SRPX2: variants seen among roughly 807,000 people sequenced by gnomAD.
SRPX2 encodes the protein sushi repeat-containing protein SRPX2.
In SRPX2, 26 loss-of-function variants were observed where a neutral mutation model predicts 45.3. The ratio of observed to expected loss-of-function variants is 0.57; its 90% CI spans 0.42 to 0.80. The LOEUF is 0.80. SRPX2 is among the 30% of genes least tolerant of loss of function. SRPX2 has a pLI of 0.00. For synonymous variants in SRPX2, 125 were observed against 143.7 expected, an observed-to-expected ratio of 0.87 and a Z score of 0.93; for missense variants, 355 against 399.8, an observed-to-expected ratio of 0.89 and a Z score of 0.95.
At chrX:100,654,303 G>T (rs756431104) in intron 3 of SRPX2, among the ~76,000 whole-genome samples, 1 of 111,811 alleles carries the variant, frequency 8.9e-6, no homozygotes, top group African/African-American at 3.2e-5. Context: ...AGTTAGCAAT[G>T]ATGAGGGGGA....
intron 4 of SRPX2, among the ~76,000 whole-genome samples, chrX:100,663,528 T>C (rs1384175354): frequency 8.9e-6 from 1 of 111,949 alleles, no homozygotes. Flanking sequence ...TTCAAAAAGG[T>C]CATTTTTGCA....
chrX:100,671,187 A>G lies in SRPX2; in HGVS notation c.*200A>G. 2.1e-6 allele frequency: 1 copy of G among 484,609 alleles called. No homozygotes were observed. The highest frequency in any genetic ancestry group is 3.6e-6 in the Non-Finnish European group (1 of 280,758). 39.9% of individuals were successfully genotyped at this position (484,609 alleles called of 1,213,427 possible). A position where few individuals can be genotyped will look rare whatever the true frequency, so the allele number is the denominator to read the frequency against. On this transcript the variant is annotated 3_prime_UTR_variant, in exon 11 of 11. Coordinates refer to ENST00000373004, the MANE Select transcript of SRPX2 (RefSeq NM_014467.3). Reference sequence around the variant, plus strand: ...TTCCCTAGAAGCTAGGTAGGGACTGAGGACAGGCCTTGGGCAGTGGGTTGG... The same window carrying G: ...TTCCCTAGAAGCTAGGTAGGGACTGGGGACAGGCCTTGGGCAGTGGGTTGG...
At chrX:100,668,343 GAAAAA>G (rs5903168) in intron 9 of SRPX2, among the ~76,000 whole-genome samples, 17 of 73,067 alleles carry the variant, frequency 2.3e-4, no homozygotes, top group Middle Eastern at 9.0e-3. Context: ...AAAAAAAAAA[GAAAAA>G]AAAAAAAAAA....
At position 100,672,650 on chromosome X, in the gene SRPX2, C is replaced by A. The variant is rs2083232296; in HGVS notation, c.*1663C>A. ...ACATTATGCCATCCTGACGCTACTT[C>A]TTTTCCTACTTTCCATTTAAAGACA... On this transcript the variant is annotated 3_prime_UTR_variant, in exon 11 of 11. Transcript: ENST00000373004. 8.9e-6 allele frequency: 1 copy of A among 112,063 alleles called. No homozygotes were observed. The highest frequency in any genetic ancestry group is 3.2e-5 in the African/African-American group (1 of 30,812). The allele number at this position is 112,063 out of a possible 1,213,427, so 9.2% of individuals were successfully genotyped here.
intron 2 of SRPX2, 52 bp downstream of exon 2, chrX:100,646,456 C>T (rs1394018579): frequency 9.3e-7 from 1 of 1,069,897 alleles, no homozygotes; most frequent in South Asian, 1.9e-5. Flanking sequence ...AGGTCCTAGA[C>T]CAAGACTTGG....
intron 3 of SRPX2, among the ~76,000 whole-genome samples, chrX:100,658,080 T>C (rs2083176489): frequency 8.9e-6 from 1 of 112,724 alleles, no homozygotes; most frequent in Non-Finnish European, 1.9e-5. Context: ...CTCAGTTGTT[T>C]GTTGTTGTTT....
At chrX:100,652,245 T>G (rs1167456944) in intron 3 of SRPX2, among the ~76,000 whole-genome samples, 1 of 111,897 alleles carries the variant, frequency 8.9e-6, no homozygotes, top group Non-Finnish European at 1.9e-5. Flanking sequence ...CATAAATGTT[T>G]CAAAGAAAGA....
At chrX:100,668,202 G>A (rs1602725882) in intron 9 of SRPX2, among the ~76,000 whole-genome samples, 1 of 109,098 alleles carries the variant, frequency 9.2e-6, no homozygotes, top group East Asian at 2.9e-4. Flanking sequence ...AAGAGAAGCA[G>A]CTCTGGGGAG....
rs951955042 is a variant in SRPX2, at chrX:100,673,817, G to A, written c.*2830G>A. 2.7e-5 allele frequency: 3 copies of A among 112,124 alleles called. No individual in the cohort carries two copies. Among genetic ancestry groups the A allele is most frequent in the African/African-American group, 6.5e-5 (2 of 30,816 alleles). 9.2% of individuals were successfully genotyped at this position (112,124 alleles called of 1,213,427 possible). A position where few individuals can be genotyped will look rare whatever the true frequency, so the allele number is the denominator to read the frequency against. On this transcript the variant is annotated 3_prime_UTR_variant, in exon 11 of 11. Transcript: ENST00000373004. Reference sequence around the variant, plus strand: ...TTGATTCAAAGCCCAACTCTGTCACGTGACAGTAGGCTTGAGTTTCCTCAT... The same window carrying A: ...TTGATTCAAAGCCCAACTCTGTCACATGACAGTAGGCTTGAGTTTCCTCAT...
At chrX:100,646,107 T>C (rs1401452117) in intron 1 of SRPX2, 86 bp from the exon 2 acceptor site, 1 of 426,155 alleles carries the variant, frequency 2.3e-6, no homozygotes, top group Non-Finnish European at 4.1e-6. Context: ...AACAGAGTCT[T>C]GTTATTCTAT....
intron 3 of SRPX2, among the ~76,000 whole-genome samples, chrX:100,653,866 G>A (rs2083160890): frequency 8.9e-6 from 1 of 112,314 alleles, no homozygotes; most frequent in South Asian, 3.7e-4. Flanking sequence ...TTCTGTATTT[G>A]ACTGTATTTA....
chrX:100,659,588 T>C (rs1428696692), intron 3 of SRPX2, among the ~76,000 whole-genome samples: 2 of 111,263 alleles, frequency 1.8e-5, no homozygotes, highest in African/African-American at 3.3e-5. Flanking sequence ...AAAGACTTTC[T>C]GTAATTTGGA....
At position 100,675,190 on chromosome X, in the gene SRPX2, C is replaced by G. The variant is rs2083257041; in HGVS notation, c.*4203C>G. The G allele has an allele frequency of 8.9e-6, 1 of 112,758 alleles. No homozygotes were observed. Among genetic ancestry groups the G allele is most frequent in the Admixed American group, 9.4e-5 (1 of 10,653 alleles). The allele number at this position is 112,758 out of a possible 1,213,427, so 9.3% of individuals were successfully genotyped here. A position where few individuals can be genotyped will look rare whatever the true frequency, so the allele number is the denominator to read the frequency against. On this transcript the variant is annotated 3_prime_UTR_variant, in exon 11 of 11. Transcript: ENST00000373004. ...GCTCTCTCTCCAATGACTGCAGTAT[C>G]AGTTTAAAATGCAGAAAATTCAGCA...
chrX:100,645,991 A>G (rs1476925008), intron 1 of SRPX2: 8 of 271,953 alleles, frequency 2.9e-5, no homozygotes, highest in Non-Finnish European at 3.3e-5. Context: ...GTCCCTCTCT[A>G]TAACTTGGAC....
chrX:100,667,478 T>G (rs1331551901), intron 9 of SRPX2, 71 bp downstream of exon 9: 1 of 1,163,443 alleles, frequency 8.6e-7, no homozygotes, highest in East Asian at 3.0e-5. Context: ...ATCAGAGTTG[T>G]TCTCTGCAGC....
chrX:100,669,270 T>A lies in SRPX2; in HGVS notation c.1118T>A (p.Leu373Ter), dbSNP rs1449119803. 8.3e-7 allele frequency: 1 copy of A among 1,210,668 alleles called. No homozygotes were observed. The change falls in exon 10 of 11, where the codon TTG becomes TAG. Residue 373 changes from leucine to a stop codon, truncating the protein, a stop_gained. Coordinates refer to ENST00000373004, the MANE Select transcript of SRPX2 (RefSeq NM_014467.3). LOFTEE classifies it high-confidence loss of function. Reference protein sequence around the residue: ...MLQQSTCGLDLRHVTIIELVG... With the variant: ...MLQQSTCGLD The stretch of plus-strand genomic sequence containing the variant: ...CAGCAATCCACCTGTGGACTGGATT[T>A]GCGGCATGTGACCATCATTGAACTG...
chrX:100,674,237 G>A lies in SRPX2; in HGVS notation c.*3250G>A, dbSNP rs1391019370. 8.9e-6 allele frequency: 1 copy of A among 112,060 alleles called. No individual in the cohort carries two copies. The highest frequency in any genetic ancestry group is 1.9e-5 in the Non-Finnish European group (1 of 53,238). 9.2% of individuals were successfully genotyped at this position (112,060 alleles called of 1,213,427 possible). A position where few individuals can be genotyped will look rare whatever the true frequency, so the allele number is the denominator to read the frequency against. On this transcript the variant is annotated 3_prime_UTR_variant, in exon 11 of 11. Transcript: ENST00000373004. Reference sequence around the variant, plus strand: ...TCCTTTGTTACAAGATAGAAAAGTGGTGCCACTTTAAAGATGATTTCTCAG... The same window carrying A: ...TCCTTTGTTACAAGATAGAAAAGTGATGCCACTTTAAAGATGATTTCTCAG...
At position 100,670,788 on chromosome X, in the gene SRPX2, C is replaced by T. The variant is rs770284581; in HGVS notation, c.1218-19C>T. The T allele has an allele frequency of 1.7e-6, 2 of 1,210,457 alleles. No homozygotes were observed. The highest frequency in any genetic ancestry group is 2.2e-6 in the Non-Finnish European group (2 of 894,828). Reference sequence around the variant, plus strand: ...GTGCCCAGACAAGGTCTCATACCTCCCTGGGCTGTTCTCTCTAGGCAATTT... The same window carrying T: ...GTGCCCAGACAAGGTCTCATACCTCTCTGGGCTGTTCTCTCTAGGCAATTT... On this transcript the variant is annotated intron_variant, in intron 10 of 10. Transcript: ENST00000373004.
intron 1 of SRPX2, among the ~76,000 whole-genome samples, chrX:100,645,295 G>A (rs893114705): frequency 3.6e-5 from 4 of 111,959 alleles, no homozygotes; most frequent in African/African-American, 1.3e-4. Context: ...ATACCAATGG[G>A]CAGCAAGTTT....
Sources: allele counts gnomAD v4.1 joint callset (sites outside exome capture counted in the v4.1 genomes callset), GRCh38; gene constraint gnomAD v4.1.1; transcripts MANE v1.5; gene names NCBI Gene and HGNC (gene_info 2026-07-23, HGNC 2026-07-21).